CDH18: variants seen among roughly 807,000 people sequenced by gnomAD.
The protein encoded by CDH18 is cadherin 18, also known as cadherin-18.
CDH18 carries 31 observed loss-of-function variants against 67.9 expected under a neutral mutation model. The observed-to-expected ratio is 0.46, with a 90% CI of 0.34 to 0.62. CDH18 has a LOEUF of 0.62. CDH18 is among the 20% of genes least tolerant of loss of function. CDH18 has a pLI of 0.01. For missense variants in CDH18, 890 were observed against 975.5 expected, an observed-to-expected ratio of 0.91 and a Z score of 1.17; for synonymous variants, 362 against 347.2, an observed-to-expected ratio of 1.04 and a Z score of -0.48.
chr5:19,576,360 T>C (rs976459929), intron 7 of CDH18, among the ~76,000 whole-genome samples: 5 of 151,324 alleles, frequency 3.3e-5, no homozygotes, highest in Admixed American at 2.6e-4. Context: ...TAAGGGCCAA[T>C]ATCCAAAATA....
At chr5:19,563,280 T>A (rs1268695910) in intron 8 of CDH18, among the ~76,000 whole-genome samples, 1 of 152,216 alleles carries the variant, frequency 6.6e-6, no homozygotes, top group Non-Finnish European at 1.5e-5. Context: ...TGTCATGTTA[T>A]CACTGAAAAC....
intron 1 of CDH18, among the ~76,000 whole-genome samples, chr5:20,281,489 G>C (rs1410252896): frequency 1.3e-5 from 2 of 151,948 alleles, no homozygotes; most frequent in African/African-American, 4.8e-5. Flanking sequence ...TCTTGTTTTT[G>C]TCAGGCTTGT....
chr5:20,301,297 C>A (rs1348353016), intron 1 of CDH18, among the ~76,000 whole-genome samples: 2 of 152,142 alleles, frequency 1.3e-5, no homozygotes, highest in Non-Finnish European at 2.9e-5. Context: ...TATTGTCTGA[C>A]AATTCAAGTA....
intron 2 of CDH18, among the ~76,000 whole-genome samples, chr5:20,113,418 A>AT (rs1285786816): frequency 2.0e-5 from 3 of 152,110 alleles, no homozygotes; most frequent in Non-Finnish European, 4.4e-5. Context: ...CAATACATGC[A>AT]TTTTTTGTCT....
intron 11 of CDH18, among the ~76,000 whole-genome samples, chr5:19,486,286 T>C (rs1740389222): frequency 6.6e-6 from 1 of 150,406 alleles, no homozygotes; most frequent in South Asian, 2.1e-4. Context: ...AAGAAATATA[T>C]ATATATTATA....
intron 8 of CDH18, among the ~76,000 whole-genome samples, chr5:19,557,595 A>G (rs1015482799): frequency 1.3e-5 from 2 of 152,048 alleles, no homozygotes; most frequent in Admixed American, 1.3e-4. Context: ...TCACAATTCT[A>G]CATATACATG....
At chr5:19,976,390 C>A (rs759649618) in intron 2 of CDH18, among the ~76,000 whole-genome samples, 1 of 152,044 alleles carries the variant, frequency 6.6e-6, no homozygotes, top group Non-Finnish European at 1.5e-5. Flanking sequence ...CAAACACGCA[C>A]ATACACACAC....
At chr5:19,823,226 G>A (rs1451103634) in intron 3 of CDH18, among the ~76,000 whole-genome samples, 1 of 151,934 alleles carries the variant, frequency 6.6e-6, no homozygotes, top group Non-Finnish European at 1.5e-5. Context: ...ATCATCACAG[G>A]GTCCTGAGGT....
At chr5:19,630,945 C>T (rs1752334696) in intron 5 of CDH18, among the ~76,000 whole-genome samples, 1 of 151,998 alleles carries the variant, frequency 6.6e-6, no homozygotes, top group African/African-American at 2.4e-5. Flanking sequence ...TATATAGAGA[C>T]TGTTTTTCTC....
intron 2 of CDH18, among the ~76,000 whole-genome samples, chr5:19,921,367 TA>T (rs1292849664): frequency 1.3e-5 from 2 of 152,096 alleles, no homozygotes; most frequent in South Asian, 2.1e-4. Flanking sequence ...CTGTCTCTAC[TA>T]AAAATACAAA....
intron 2 of CDH18, among the ~76,000 whole-genome samples, chr5:20,099,934 C>T (rs539773532): frequency 3.9e-5 from 6 of 152,066 alleles, no homozygotes; most frequent in African/African-American, 1.4e-4. Flanking sequence ...TAGCCGCACA[C>T]CACCACGCCC....
chr5:19,863,040 G>T lies in CDH18; in HGVS notation c.-256-23798C>A, dbSNP rs1343387339. ...TAACGGGGGAAAAAATGGGAGAACA[G>T]GGTAAGCAGGAGAAACAGATTTAGG... On this transcript the variant is annotated intron_variant, in intron 2 of 12. Coordinates refer to ENST00000382275, the MANE Select transcript of CDH18 (RefSeq NM_004934.5). 2.0e-5 allele frequency among the ~76,000 whole-genome samples: 3 copies of T among 151,926 alleles called. No individual in the cohort carries two copies. In the South Asian group the frequency reaches 6.2e-4, roughly 32 times the overall value.
At position 20,416,545 on chromosome 5, in the gene CDH18, A is replaced by T. The variant is rs145796792; in HGVS notation, c.-580+158917T>A. Among the ~76,000 whole-genome samples the T allele has an allele frequency of 8.9e-3, 1,361 of 152,242 alleles. 19 individuals are homozygous for T. Among genetic ancestry groups the T allele is most frequent in the African/African-American group, 0.031 (1,303 of 41,562 alleles). ...ACTTATGGAAATCAGTCTGAGAATG[A>T]AAGAGAGATTAGCATTTCATTTAAG... is the stretch of plus-strand genomic sequence containing the variant. On this transcript the variant is annotated intron_variant, in intron 1 of 14. Transcript: ENST00000507958.
intron 1 of CDH18, among the ~76,000 whole-genome samples, chr5:20,348,750 A>G (rs1740912028): frequency 6.6e-6 from 1 of 152,136 alleles, no homozygotes; most frequent in Non-Finnish European, 1.5e-5. Context: ...CAGCTTCCAG[A>G]TGAAAGTACT....
chr5:20,259,174 A>G (rs1382619190), intron 1 of CDH18, among the ~76,000 whole-genome samples: 4 of 152,140 alleles, frequency 2.6e-5, no homozygotes, highest in African/African-American at 9.7e-5. Context: ...AATTGTTAGA[A>G]AACTGGATTT....
At chr5:19,738,623 T>A (rs948151709) in intron 4 of CDH18, among the ~76,000 whole-genome samples, 1 of 152,210 alleles carries the variant, frequency 6.6e-6, no homozygotes, top group Admixed American at 6.5e-5. Flanking sequence ...TATCTTCTAG[T>A]TAAGTATTTT....
chr5:19,848,918 T>G (rs1783323432), intron 2 of CDH18, among the ~76,000 whole-genome samples: 1 of 150,042 alleles, frequency 6.7e-6, no homozygotes, highest in African/African-American at 2.4e-5. Context: ...ACATTTTATA[T>G]GGGCTATATT....
intron 1 of CDH18, among the ~76,000 whole-genome samples, chr5:20,472,136 CAT>C (rs1256952429): frequency 4.6e-5 from 7 of 152,110 alleles, no homozygotes; most frequent in Admixed American, 3.9e-4. Context: ...GAAAACTTGA[CAT>C]GTGTTATCTT....
At chr5:20,123,612 G>A (rs1469494420) in intron 2 of CDH18, among the ~76,000 whole-genome samples, 2 of 152,244 alleles carry the variant, frequency 1.3e-5, no homozygotes, top group East Asian at 1.9e-4. Flanking sequence ...GGCCCGGCGC[G>A]GTGGCTCACT....
Sources: allele counts gnomAD v4.1 joint callset (sites outside exome capture counted in the v4.1 genomes callset), GRCh38; gene constraint gnomAD v4.1.1; transcripts MANE v1.5; gene names NCBI Gene and HGNC (gene_info 2026-07-23, HGNC 2026-07-21).